Variants in FARS2 observed in about 807,000 individuals in gnomAD.
FARS2 encodes phenylalanyl-tRNA synthetase 2, mitochondrial.
A neutral mutation model predicts 46.4 loss-of-function variants in FARS2; 40 were observed. The observed-to-expected ratio is 0.86, with a 90% CI of 0.67 to 1.12. FARS2 has a LOEUF of 1.12. Ranked by LOEUF, FARS2 falls within the 50% of genes most tolerant of loss-of-function variation. The pLI is 0.00. For missense variants in FARS2, 513 were observed against 567.9 expected (o/e 0.90, Z 0.98); for synonymous variants, 234 against 214.9 (o/e 1.09, Z -0.78).
chr6:5,581,721 T>G (rs1330611875), intron 5 of FARS2, among the ~76,000 whole-genome samples: 1 of 152,180 alleles, frequency 6.6e-6, no homozygotes, highest in Non-Finnish European at 1.5e-5. Context: ...CCTGATGTGC[T>G]TTTCTAAATG....
chr6:5,492,537 A>G (rs1299024081), intron 4 of FARS2, among the ~76,000 whole-genome samples: 2 of 152,260 alleles, frequency 1.3e-5, no homozygotes, highest in African/African-American at 2.4e-5. Context: ...AAATTCTACC[A>G]GCAATATAAT....
chr6:5,549,121 A>G (rs1771212789), intron 5 of FARS2, among the ~76,000 whole-genome samples: 1 of 151,410 alleles, frequency 6.6e-6, no homozygotes, highest in Admixed American at 6.6e-5. Context: ...TTAAGGTGTC[A>G]GCAGGGCTGA....
chr6:5,454,659 T>C (rs939684686), intron 4 of FARS2, among the ~76,000 whole-genome samples: 4 of 152,164 alleles, frequency 2.6e-5, no homozygotes, highest in Admixed American at 6.5e-5. Flanking sequence ...TTTTAAGGAA[T>C]AATCTTTTAA....
At chr6:5,702,570 G>A (rs1391449279) in intron 6 of FARS2, among the ~76,000 whole-genome samples, 1 of 152,212 alleles carries the variant, frequency 6.6e-6, no homozygotes, top group Admixed American at 6.5e-5. Context: ...TAATGGATTA[G>A]TGTAGGTCAG....
chr6:5,539,332 A>G (rs1462950681), intron 4 of FARS2, among the ~76,000 whole-genome samples: 1 of 143,346 alleles, frequency 7.0e-6, no homozygotes, highest in Non-Finnish European at 1.5e-5. Context: ...TCAGCCTCCC[A>G]AGTAGCTGGG....
chr6:5,678,907 G>A (rs980858447), intron 6 of FARS2, among the ~76,000 whole-genome samples: 3 of 152,288 alleles, frequency 2.0e-5, no homozygotes, highest in African/African-American at 2.4e-5. Flanking sequence ...GACCGAATGC[G>A]GAAATACCTG....
intron 5 of FARS2, among the ~76,000 whole-genome samples, chr6:5,611,578 A>T (rs1048956226): frequency 2.0e-5 from 3 of 152,236 alleles, no homozygotes; most frequent in Non-Finnish European, 1.5e-5. Flanking sequence ...TTAGTGGATT[A>T]AATGCTTTCT....
chr6:5,277,811 T>C (rs1298474747), intron 1 of FARS2, among the ~76,000 whole-genome samples: 1 of 152,150 alleles, frequency 6.6e-6, no homozygotes, highest in African/African-American at 2.4e-5. Flanking sequence ...TATTCAAAAA[T>C]GTTTTGCAAT....
Position 5,602,827 on chromosome 6 carries a change from C to T in FARS2, c.1066-10342C>T, listed in dbSNP as rs973153467. The stretch of plus-strand genomic sequence containing the variant: ...CTCCCCTCCTCAGTCCCTTTTGGCA[C>T]GCTTATAATTTATAACCGGGTCATG... On this transcript the variant is annotated intron_variant, in intron 5 of 6. Transcript: ENST00000274680. 3.3e-5 allele frequency among the ~76,000 whole-genome samples: 5 copies of T among 152,088 alleles called. No homozygotes were observed. In the East Asian group the frequency reaches 5.8e-4, roughly 18 times the overall value.
At position 5,727,199 on chromosome 6, in the gene FARS2, G is replaced by A. The variant is rs1286518565; in HGVS notation, c.1218-44092G>A. Among the ~76,000 whole-genome samples, 1 of 152,196 alleles carries A rather than the reference G, an allele frequency of 6.6e-6. No individual in the cohort carries two copies. The highest frequency in any genetic ancestry group is 2.4e-5 in the African/African-American group (1 of 41,462). On this transcript the variant is annotated intron_variant, in intron 6 of 6. Coordinates refer to ENST00000274680, the MANE Select transcript of FARS2 (RefSeq NM_006567.5). This position sits in a 1 kb window ranked among gnomAD's most constrained non-coding sequence, Gnocchi z 4.1. ...ACGGCGGCTGCTGCTGTAGGGGTGG[G>A]CATGGGAGGGGCTGTTCCTCTCATC...
chr6:5,611,613 T>A (rs138888384), intron 5 of FARS2, among the ~76,000 whole-genome samples: 94 of 152,370 alleles, frequency 6.2e-4, no homozygotes, highest in African/African-American at 2.2e-3. Context: ...TTAAACTTTT[T>A]ATATTTTTTA....
chr6:5,545,354 C>G lies in FARS2; in HGVS notation c.1065+14C>G, dbSNP rs1445115531. The G allele has an allele frequency of 1.2e-6, 2 of 1,608,402 alleles. No individual in the cohort carries two copies. The highest frequency in any genetic ancestry group is 2.2e-5 in the South Asian group (2 of 90,708). On this transcript the variant is annotated intron_variant, in intron 5 of 6. Transcript: ENST00000274680. ...GTGAAGTTTCAGGTAAGATGACTTG[C>G]AAGAACTGAATAGATAATAATAAAA... is the stretch of plus-strand genomic sequence containing the variant.
intron 5 of FARS2, among the ~76,000 whole-genome samples, chr6:5,597,037 T>G (rs1247642654): frequency 6.6e-6 from 1 of 152,180 alleles, no homozygotes; most frequent in Non-Finnish European, 1.5e-5. Flanking sequence ...TGAGGAAACC[T>G]GGATGCAGAA....
chr6:5,736,665 G>C (rs1008468842), intron 6 of FARS2, among the ~76,000 whole-genome samples: 2 of 151,876 alleles, frequency 1.3e-5, no homozygotes, highest in African/African-American at 4.9e-5. Context: ...TTAACCTTAA[G>C]GGATTTTTTT....
chr6:5,341,200 TATATATATATATATATATATATATATA>T (rs1771545722), intron 1 of FARS2, among the ~76,000 whole-genome samples: 1 of 4,866 alleles, frequency 2.1e-4, no homozygotes, highest in Non-Finnish European at 5.3e-4. Context: ...TATATATATA[TATATATATATATATATATATATATATA>T]TATATATATT....
Position 5,654,961 on chromosome 6 carries a change from TTTC to T in FARS2, c.1217+41644_1217+41646del, listed in dbSNP as rs562624953. Among the ~76,000 whole-genome samples, 101 of 152,348 alleles carry T rather than the reference TTTC, an allele frequency of 6.6e-4. 1 individual carries two copies. The highest frequency in any genetic ancestry group is 2.2e-3 in the African/African-American group (93 of 41,580). On this transcript the variant is annotated intron_variant, in intron 6 of 6. Transcript: ENST00000274680. The stretch of plus-strand genomic sequence containing the variant: ...TATTTTCTTATTTTCTTAGTAACAT[TTTC>T]TTTTCTCTAGCTTACTTGATTGTAG...
intron 6 of FARS2, among the ~76,000 whole-genome samples, chr6:5,620,551 A>G (rs1197800229): frequency 1.3e-5 from 2 of 152,160 alleles, no homozygotes; most frequent in Non-Finnish European, 2.9e-5. Flanking sequence ...CACTCTTTCC[A>G]TGGTGTCACC....
intron 4 of FARS2, among the ~76,000 whole-genome samples, chr6:5,479,930 G>C (rs918459938): frequency 1.3e-5 from 2 of 152,224 alleles, no homozygotes; most frequent in East Asian, 3.8e-4. Flanking sequence ...AAGGAGAAGG[G>C]CAGGACCATT....
intron 4 of FARS2, among the ~76,000 whole-genome samples, chr6:5,503,960 A>T (rs1362708859): frequency 6.6e-6 from 1 of 152,200 alleles, no homozygotes; most frequent in African/African-American, 2.4e-5. Context: ...TCAAGTGGAA[A>T]TCTTAAAAGT....
Sources: allele counts gnomAD v4.1 joint callset (sites outside exome capture counted in the v4.1 genomes callset), GRCh38; gene constraint gnomAD v4.1.1; non-coding constraint Gnocchi (gnomAD v3.1); transcripts MANE v1.5; gene names NCBI Gene and HGNC (gene_info 2026-07-23, HGNC 2026-07-21).